Variants in COL21A1 observed in about 807,000 individuals in gnomAD.
COL21A1 encodes the protein collagen type XXI alpha 1 chain, also known as collagen alpha-1(XXI) chain.
In COL21A1, 149 loss-of-function variants were observed where a neutral mutation model predicts 137.9. The ratio of observed to expected loss-of-function variants is 1.08; its 90% CI spans 0.95 to 1.24. The LOEUF (loss-of-function observed/expected upper bound fraction) is 1.24. Ranked by LOEUF, COL21A1 falls within the 50% of genes most tolerant of loss-of-function variation. The pLI, the probability that COL21A1 is intolerant of heterozygous loss-of-function variation, is 0.00. For synonymous variants in COL21A1, 456 were observed against 391.5 expected, an observed-to-expected ratio of 1.16 and a Z score of -1.95; for missense variants, 1,167 against 1,158.4, an observed-to-expected ratio of 1.01 and a Z score of -0.11.
intron 1 of COL21A1, among the ~76,000 whole-genome samples, chr6:56,368,906 GA>G (rs1581780957): frequency 6.6e-6 from 1 of 152,108 alleles, no homozygotes; most frequent in Admixed American, 6.5e-5. Flanking sequence ...TATTTCAGTA[GA>G]AAAATGTCCA....
chr6:56,172,944 G>A (rs979127114), intron 3 of COL21A1, among the ~76,000 whole-genome samples: 5 of 151,522 alleles, frequency 3.3e-5, no homozygotes, highest in African/African-American at 1.2e-4. Context: ...TACAAAAAAA[G>A]CAATAAAACA....
intron 1 of COL21A1, among the ~76,000 whole-genome samples, chr6:56,283,816 C>G (rs1205584672): frequency 6.6e-6 from 1 of 152,026 alleles, no homozygotes; most frequent in African/African-American, 2.4e-5. Flanking sequence ...GATGCAGTCT[C>G]AGAAGGCATG....
intron 1 of COL21A1, among the ~76,000 whole-genome samples, chr6:56,254,342 A>G (rs1177951506): frequency 6.6e-6 from 1 of 152,230 alleles, no homozygotes; most frequent in Non-Finnish European, 1.5e-5. Context: ...ATATACAGGC[A>G]TCCTCAAAGC....
At chr6:56,316,251 T>G (rs1764731441) in intron 1 of COL21A1, among the ~76,000 whole-genome samples, 2 of 152,158 alleles carry the variant, frequency 1.3e-5, no homozygotes, top group African/African-American at 4.8e-5. Flanking sequence ...CTTGGCAATT[T>G]TCAAGTATGC....
chr6:56,211,334 A>G (rs1255035179), intron 1 of COL21A1, among the ~76,000 whole-genome samples: 2 of 151,526 alleles, frequency 1.3e-5, no homozygotes, highest in Non-Finnish European at 2.9e-5. Flanking sequence ...ACAAATTTTT[A>G]TTTATTTCTA....
intron 1 of COL21A1, among the ~76,000 whole-genome samples, chr6:56,204,129 G>A (rs1779590899): frequency 6.6e-6 from 1 of 152,040 alleles, no homozygotes; most frequent in African/African-American, 2.4e-5. Flanking sequence ...ACGCCAGCGA[G>A]ACAGAATCGT....
intron 1 of COL21A1, among the ~76,000 whole-genome samples, chr6:56,371,626 T>C (rs1276248240): frequency 6.6e-6 from 1 of 152,108 alleles, no homozygotes; most frequent in Admixed American, 6.5e-5. Context: ...TCCTCATAAA[T>C]CCAAGAAGTG....
chr6:56,108,517 T>G (rs555307642), intron 16 of COL21A1, among the ~76,000 whole-genome samples: 1 of 152,022 alleles, frequency 6.6e-6, no homozygotes, highest in East Asian at 1.9e-4. Context: ...AAAAAATATA[T>G]TTTATAATGC....
chr6:56,127,024 T>C (rs12215027), intron 12 of COL21A1, among the ~76,000 whole-genome samples: 22,842 of 152,196 alleles, frequency 0.15, 1,753 homozygotes, highest in Middle Eastern at 0.22. Flanking sequence ...CTCTTTTTAT[T>C]CCAAAGCTCC....
At chr6:56,362,665 C>G (rs1022369071) in intron 1 of COL21A1, among the ~76,000 whole-genome samples, 5 of 152,018 alleles carry the variant, frequency 3.3e-5, no homozygotes, top group Non-Finnish European at 7.4e-5. Flanking sequence ...CTCTACTTTC[C>G]ACACGGGCAC....
chr6:56,331,129 CT>C (rs1191706489), intron 1 of COL21A1, among the ~76,000 whole-genome samples: 1 of 151,936 alleles, frequency 6.6e-6, no homozygotes, highest in Non-Finnish European at 1.5e-5. Flanking sequence ...CCTTTGCCCA[CT>C]TTTTAATGGA....
intron 1 of COL21A1, among the ~76,000 whole-genome samples, chr6:56,294,547 A>T (rs1764121346): frequency 6.6e-6 from 1 of 152,064 alleles, no homozygotes; most frequent in African/African-American, 2.4e-5. Context: ...AGTGTGGTAT[A>T]TTTGTTACAA....
At chr6:56,097,109 T>C (rs1159785551) in intron 17 of COL21A1, among the ~76,000 whole-genome samples, 2 of 152,142 alleles carry the variant, frequency 1.3e-5, no homozygotes, top group African/African-American at 4.8e-5. Context: ...TTTGAGACAC[T>C]TAACCTATGA....
At chr6:56,082,740 A>G (rs1054565950) in intron 17 of COL21A1, among the ~76,000 whole-genome samples, 2 of 151,928 alleles carry the variant, frequency 1.3e-5, no homozygotes, top group Admixed American at 1.3e-4. Flanking sequence ...CCAAATAAAA[A>G]ATGAAATTAG....
intron 17 of COL21A1, among the ~76,000 whole-genome samples, chr6:56,081,814 G>A (rs558546956): frequency 6.6e-6 from 1 of 151,864 alleles, no homozygotes; most frequent in South Asian, 2.1e-4. Context: ...GGCCCACTTG[G>A]GACAGGACCC....
chr6:56,156,444 G>C (rs952556428), intron 10 of COL21A1, among the ~76,000 whole-genome samples: 2 of 152,086 alleles, frequency 1.3e-5, no homozygotes, highest in Non-Finnish European at 2.9e-5. Flanking sequence ...AAAGCTACTT[G>C]TCAATTTTAT....
intron 1 of COL21A1, among the ~76,000 whole-genome samples, chr6:56,384,281 G>A (rs979349194): frequency 6.6e-6 from 1 of 152,092 alleles, no homozygotes; most frequent in Admixed American, 6.6e-5. Flanking sequence ...ACCCTCCCTG[G>A]CAGGTCCTTC....
At chr6:56,368,813 T>C (rs1340744608) in intron 1 of COL21A1, among the ~76,000 whole-genome samples, 1 of 152,224 alleles carries the variant, frequency 6.6e-6, no homozygotes, top group East Asian at 1.9e-4. Context: ...AAATTTTCAA[T>C]GGTCTCTAAT....
At chr6:56,200,968 G>T (rs1433048191) in intron 1 of COL21A1, among the ~76,000 whole-genome samples, 2 of 152,040 alleles carry the variant, frequency 1.3e-5, no homozygotes, top group Non-Finnish European at 2.9e-5. Context: ...AGCACCTGTT[G>T]TTTCCTGACT....
Sources: gnomAD v4.1 joint callset for allele counts (sites outside exome capture counted in the v4.1 genomes callset) on GRCh38, gnomAD v4.1.1 for gene constraint, MANE v1.5 for transcripts, NCBI Gene and HGNC (gene_info 2026-07-23, HGNC 2026-07-21) for gene names.